The following MADCAM1 variants were observed in gnomAD, a reference collection of about 807,000 sequenced individuals.
MADCAM1 encodes the protein mucosal vascular addressin cell adhesion molecule 1.
In MADCAM1, 19 loss-of-function variants were observed where a neutral mutation model predicts 26.1. The ratio of observed to expected loss-of-function variants is 0.73; its 90% CI spans 0.51 to 1.07. The LOEUF is 1.07. Among genes scored for constraint, MADCAM1 ranks in the 50% least tolerant of loss-of-function variants. The probability of loss-of-function intolerance (pLI) is 0.00; values close to 1 mark genes in which losing one functional copy is unlikely to be tolerated. For synonymous variants in MADCAM1, 268 were observed against 260.9 expected (o/e 1.03, Z -0.26); for missense variants, 514 against 542.1 (o/e 0.95, Z 0.51).
At chr19:502,668 A>T (rs118175540) in intron 4 of MADCAM1, among the ~76,000 whole-genome samples, 1 of 152,204 alleles carries the variant, frequency 6.6e-6, no homozygotes, top group Non-Finnish European at 1.5e-5. Context: ...AACAAATTTA[A>T]TTCTCTCAGC....
intron 3 of MADCAM1, chr19:500,214 G>C (rs998155686): frequency 1.5e-5 from 7 of 456,066 alleles, no homozygotes; most frequent in Non-Finnish European, 2.6e-5. Flanking sequence ...CGCTCTCAGG[G>C]CAGCCCAAAG....
chr19:504,605 G>C (rs1180207201), intron 4 of MADCAM1, 140 bp from the exon 5 acceptor site: 2 of 648,992 alleles, frequency 3.1e-6, no homozygotes, highest in East Asian at 5.2e-5. Context: ...ATTTCAAAAG[G>C]GTCATGGTAA....
At chr19:501,295 G>A (rs889871984) in intron 3 of MADCAM1, among the ~76,000 whole-genome samples, 22 of 151,658 alleles carry the variant, frequency 1.5e-4, no homozygotes, top group African/African-American at 5.3e-4. Context: ...AGGCCAGCCT[G>A]ACCAACATGG....
At chr19:500,024 C>T (rs768405277) in intron 3 of MADCAM1, 13 of 453,856 alleles carry the variant, frequency 2.9e-5, no homozygotes. Flanking sequence ...AGAGAGGAGG[C>T]TGGATTTGAG....
At chr19:500,619 C>G (rs1222335707) in intron 3 of MADCAM1, among the ~76,000 whole-genome samples, 1 of 152,126 alleles carries the variant, frequency 6.6e-6, no homozygotes, top group East Asian at 1.9e-4. Context: ...GCTTGTAATC[C>G]CAGCACTTTG....
intron 4 of MADCAM1, 69 bp from the exon 5 acceptor site, chr19:504,676 G>A: frequency 3.6e-6 from 4 of 1,120,170 alleles, no homozygotes; most frequent in Non-Finnish European, 5.2e-6. Context: ...CCTCTGAGGG[G>A]CTCCTCCCTT....
intron 3 of MADCAM1, chr19:499,918 G>C: frequency 2.2e-6 from 1 of 451,790 alleles, no homozygotes; most frequent in South Asian, 1.6e-5. Flanking sequence ...GTTAATGGAC[G>C]TGAGGTCGTG....
At chr19:499,000 GC>G in intron 3 of MADCAM1, 175 bp downstream of exon 3, 5 of 1,005,970 alleles carry the variant, frequency 5.0e-6, no homozygotes, top group Middle Eastern at 2.0e-4. Flanking sequence ...CCGAGCACCT[GC>G]CCCCCAGCAC....
Position 500,904 on chromosome 19 carries a change from G to A in MADCAM1, c.668-765G>A, listed in dbSNP as rs140953145. 1.1e-3 allele frequency among the ~76,000 whole-genome samples: 160 copies of A among 151,980 alleles called. 1 individual carries two copies. The highest frequency in any genetic ancestry group is 3.8e-3 in the African/African-American group (157 of 41,448). On this transcript the variant is annotated intron_variant, in intron 3 of 4. Coordinates refer to ENST00000215637, the MANE Select transcript of MADCAM1 (RefSeq NM_130760.3). ...AACAAATTCTAGGCTTTATCAACTA[G>A]AACAGTAAGCCGAATAGAAACAAAA... is the stretch of plus-strand genomic sequence containing the variant.
At chr19:499,517 C>T (rs551182180) in intron 3 of MADCAM1, among the ~76,000 whole-genome samples, 74 of 152,304 alleles carry the variant, frequency 4.9e-4, no homozygotes, top group African/African-American at 1.8e-3. Flanking sequence ...CACCCACACG[C>T]GTGTACAAAC....
At position 498,782 on chromosome 19, in the gene MADCAM1, G is replaced by A. The variant is rs200570068; in HGVS notation, c.624G>A (p.Met208Ile). ...CCGCCCTCTACTGCCAGGCCACGAT[G>A]AGGCTGCCTGGCTTGGAGCTCAGCC... is the stretch of plus-strand genomic sequence containing the variant. ...VPPALYCQAT[M>I]RLPGLELSHR... Residue 208 changes from methionine (M) to isoleucine (I), a missense_variant, in exon 3 of 5, where the codon ATG (methionine) becomes ATA (isoleucine). By Grantham distance (10) the Met-to-Ile change is conservative. This residue lies in a region of MADCAM1 where 317 missense variants were observed against 313.6 expected (regional missense o/e 1.01). Coordinates refer to ENST00000215637, the MANE Select transcript of MADCAM1 (RefSeq NM_130760.3). 2.9e-4 allele frequency: 433 copies of A among 1,482,856 alleles called. No homozygotes were observed. The African/African-American group carries it at 4.6e-3, about 16-fold the overall frequency. The allele number at this position is 1,482,856 out of a possible 1,614,324, so 91.9% of individuals were successfully genotyped here.
chr19:497,750 C>T (rs1395774939), intron 1 of MADCAM1, 83 bp from the exon 2 acceptor site: 3 of 945,664 alleles, frequency 3.2e-6, no homozygotes, highest in African/African-American at 4.2e-5. Flanking sequence ...GGGCGGGGTC[C>T]GGGGGTGGAG....
chr19:500,982 T>A (rs1305394784), intron 3 of MADCAM1, among the ~76,000 whole-genome samples: 1 of 150,402 alleles, frequency 6.6e-6, no homozygotes, highest in Non-Finnish European at 1.5e-5. Context: ...AGTACAGGAG[T>A]TCCAGACCAG....
rs1978297511 is a variant in MADCAM1 at position 498,529 on chromosome 19, C to A, written c.371C>A (p.Ala124Asp). ...GACCAGCTGACCGTCTCCCCAGCAG[C>A]CCTGGTGCCTGGTGACCCGGAGGTG... ...FPDQLTVSPA[A>D]LVPGDPEVAC... The change falls in exon 3 of 5, where the codon GCC (alanine) becomes GAC (aspartate). Residue 124 changes from alanine (A) to aspartate (D), a missense_variant. Ala to Asp is a moderately radical substitution (Grantham distance 126). Transcript: ENST00000215637. 3 of 1,470,702 alleles carry A rather than the reference C, an allele frequency of 2.0e-6. No individual in the cohort carries two copies. The highest frequency in any genetic ancestry group is 2.7e-6 in the Non-Finnish European group (3 of 1,116,306). The allele number at this position is 1,470,702 out of a possible 1,614,324, so 91.1% of individuals were successfully genotyped here.
intron 4 of MADCAM1, among the ~76,000 whole-genome samples, chr19:503,803 C>G (rs954726630): frequency 6.6e-6 from 1 of 151,942 alleles, no homozygotes. Flanking sequence ...AATCCTAGCA[C>G]TTTGGGAGGC....
intron 4 of MADCAM1, among the ~76,000 whole-genome samples, chr19:502,592 G>C (rs1284317941): frequency 1.3e-5 from 2 of 152,074 alleles, no homozygotes; most frequent in African/African-American, 4.8e-5. Context: ...GTGAGCCACT[G>C]CACCCGGCCC....
At position 497,857 on chromosome 19, in the gene MADCAM1, T is replaced by A. The variant is rs1201114951; in HGVS notation, c.77T>A (p.Leu26Gln). ...GGCCAGTCCCTCCAGGTGAAGCCCC[T>A]GCAGGTGGAGCCCCCGGAGCCGGTG... ...LLGQSLQVKP[L>Q]QVEPPEPVVA... Residue 26 changes from leucine (L) to glutamine (Q), a missense_variant, in exon 2 of 5, where the codon CTG becomes CAG. This residue lies in a region of MADCAM1 where 317 missense variants were observed against 313.6 expected (regional missense o/e 1.01). Coordinates refer to ENST00000215637, the MANE Select transcript of MADCAM1 (RefSeq NM_130760.3). 1.3e-5 allele frequency: 17 copies of A among 1,333,810 alleles called. No individual in the cohort carries two copies. Among genetic ancestry groups the A allele is most frequent in the Non-Finnish European group, 1.5e-5 (16 of 1,049,954 alleles). The allele number at this position is 1,333,810 out of a possible 1,614,324, so 82.6% of individuals were successfully genotyped here. A position where few individuals can be genotyped will look rare whatever the true frequency, so the allele number is the denominator to read the frequency against.
chr19:503,380 G>GAC (rs1158078117), intron 4 of MADCAM1, among the ~76,000 whole-genome samples: 1 of 151,472 alleles, frequency 6.6e-6, no homozygotes, highest in Non-Finnish European at 1.5e-5. Flanking sequence ...AGGAGATCGA[G>GAC]ACCATCCTGG....
chr19:504,255 C>CATTTTTTTTT (rs1270034691), intron 4 of MADCAM1, among the ~76,000 whole-genome samples: 1 of 88,150 alleles, frequency 1.1e-5, no homozygotes, highest in African/African-American at 4.2e-5. Flanking sequence ...CCGGTCTGCC[C>CATTTTTTTTT]TTTTTTTTTT....
Sources: allele counts gnomAD v4.1 joint callset (sites outside exome capture counted in the v4.1 genomes callset), GRCh38; gene constraint gnomAD v4.1.1; regional missense constraint gnomAD v4.1.1; transcripts MANE v1.5; gene names NCBI Gene and HGNC (gene_info 2026-07-23, HGNC 2026-07-21).